GPR158: variants seen among roughly 807,000 people sequenced by gnomAD.
GPR158 encodes the protein metabotropic glycine receptor.
In GPR158, 30 loss-of-function variants were observed where a neutral mutation model predicts 78.2. The observed-to-expected ratio is 0.38, with a 90% CI of 0.29 to 0.52. GPR158 has a LOEUF of 0.52. GPR158 is among the 20% of genes least tolerant of loss of function. The probability of loss-of-function intolerance (pLI) is 0.83; values close to 1 mark genes in which losing one functional copy is unlikely to be tolerated. For missense variants in GPR158, 1,463 were observed against 1,523.5 expected (o/e 0.96, Z 0.66); for synonymous variants, 581 against 591.1 (o/e 0.98, Z 0.25).
At chr10:25,576,408 G>GTACTT (rs1164179011) in intron 7 of GPR158, among the ~76,000 whole-genome samples, 1 of 152,008 alleles carries the variant, frequency 6.6e-6, no homozygotes, top group Non-Finnish European at 1.5e-5. Context: ...TGTTTTCATT[G>GTACTT]TACTTTACTC....
chr10:25,416,763 A>C (rs1426338519), intron 4 of GPR158, among the ~76,000 whole-genome samples: 2 of 152,218 alleles, frequency 1.3e-5, no homozygotes, highest in Admixed American at 1.3e-4. Context: ...TGAGAGATTA[A>C]GTTTCCAAAG....
At chr10:25,303,529 C>T (rs1176986337) in intron 2 of GPR158, among the ~76,000 whole-genome samples, 2 of 152,192 alleles carry the variant, frequency 1.3e-5, no homozygotes, top group African/African-American at 4.8e-5. Context: ...AATGACTCAT[C>T]TTCCCGAAAT....
At chr10:25,476,560 T>A (rs879674107) in intron 5 of GPR158, among the ~76,000 whole-genome samples, 2 of 152,140 alleles carry the variant, frequency 1.3e-5, no homozygotes, top group Non-Finnish European at 2.9e-5. Flanking sequence ...GGACACCATA[T>A]ACAACTCAGT....
chr10:25,332,465 T>A (rs1414106243), intron 2 of GPR158, among the ~76,000 whole-genome samples: 1 of 152,160 alleles, frequency 6.6e-6, no homozygotes, highest in African/African-American at 2.4e-5. Context: ...GACATCCCTG[T>A]CCTAGCTCTT....
rs577106485 is a variant in GPR158, at chr10:25,293,056, A to C, written c.1008+71899A>C. ...AAAAGTTATCTCTTGCTGTTAGTAG[A>C]AAATTGTCTTCTACTGTCCCTGACC... On this transcript the variant is annotated intron_variant, in intron 2 of 10. Transcript: ENST00000376351. 5.3e-5 allele frequency among the ~76,000 whole-genome samples: 8 copies of C among 152,306 alleles called. No homozygotes were observed. The South Asian group carries it at 1.7e-3, about 32-fold the overall frequency.
chr10:25,299,139 GT>G (rs1854556417), intron 2 of GPR158, among the ~76,000 whole-genome samples: 1 of 151,870 alleles, frequency 6.6e-6, no homozygotes, highest in Non-Finnish European at 1.5e-5. Flanking sequence ...TTTTGTATAT[GT>G]TTAAGGTGTA....
chr10:25,424,741 A>G (rs1420203924), intron 4 of GPR158, among the ~76,000 whole-genome samples: 1 of 151,870 alleles, frequency 6.6e-6, no homozygotes, highest in African/African-American at 2.4e-5. Flanking sequence ...CCATTGATCT[A>G]TATCTCTGTT....
intron 7 of GPR158, among the ~76,000 whole-genome samples, chr10:25,587,262 C>T (rs1333286896): frequency 6.6e-6 from 1 of 152,094 alleles, no homozygotes; most frequent in Non-Finnish European, 1.5e-5. Flanking sequence ...ACAAATGTAA[C>T]CTTTTCAGAT....
chr10:25,183,237 T>G (rs1852636004), intron 1 of GPR158, among the ~76,000 whole-genome samples: 1 of 152,094 alleles, frequency 6.6e-6, no homozygotes, highest in African/African-American at 2.4e-5. Flanking sequence ...ATGAAATACT[T>G]CAGTTTAGGA....
intron 5 of GPR158, among the ~76,000 whole-genome samples, chr10:25,503,465 C>T (rs1228707498): frequency 6.6e-6 from 1 of 152,128 alleles, no homozygotes. Flanking sequence ...GTAACAGATT[C>T]TGCATTATTA....
intron 4 of GPR158, among the ~76,000 whole-genome samples, chr10:25,465,186 G>A (rs1234088727): frequency 1.3e-5 from 2 of 152,038 alleles, no homozygotes; most frequent in African/African-American, 2.4e-5. Flanking sequence ...TGGCCTTTCA[G>A]AATTTTTTTA....
rs538070830 is a variant in GPR158 at position 25,233,791 on chromosome 10, A to G, written c.1008+12634A>G. On this transcript the variant is annotated intron_variant, in intron 2 of 10. Coordinates refer to ENST00000376351, the MANE Select transcript of GPR158 (RefSeq NM_020752.3). ...CTTATGAGTATCCCGAGGTTATACA[A>G]GATGTGATATAGAAACAGATTAAAT... Among the ~76,000 whole-genome samples the G allele has an allele frequency of 2.6e-4, 39 of 152,320 alleles. 1 individual carries two copies. The highest frequency in any genetic ancestry group is 9.4e-4 in the African/African-American group (39 of 41,568).
intron 5 of GPR158, among the ~76,000 whole-genome samples, chr10:25,492,782 TAAAC>T (rs1321208105): frequency 2.6e-5 from 4 of 151,772 alleles, no homozygotes; most frequent in Non-Finnish European, 4.4e-5. Context: ...CAACAAGTGA[TAAAC>T]AATTCAAGCT....
chr10:25,300,221 C>G (rs765556028), intron 2 of GPR158, among the ~76,000 whole-genome samples: 1 of 152,158 alleles, frequency 6.6e-6, no homozygotes, highest in African/African-American at 2.4e-5. Flanking sequence ...TGGAGGCTGT[C>G]GGAAGAATGT....
At chr10:25,531,063 A>G (rs541721307) in intron 5 of GPR158, among the ~76,000 whole-genome samples, 1 of 152,350 alleles carries the variant, frequency 6.6e-6, no homozygotes, top group South Asian at 2.1e-4. Flanking sequence ...TTAAAAAATA[A>G]TGCTAATGGT....
chr10:25,522,051 G>A (rs1235543696), intron 5 of GPR158, among the ~76,000 whole-genome samples: 1 of 152,140 alleles, frequency 6.6e-6, no homozygotes, highest in East Asian at 1.9e-4. Context: ...CCAGTAATTA[G>A]GGTAAAAAGC....
intron 6 of GPR158, among the ~76,000 whole-genome samples, chr10:25,555,667 A>G (rs1836778979): frequency 6.6e-6 from 1 of 152,190 alleles, no homozygotes; most frequent in Admixed American, 6.5e-5. Flanking sequence ...CTTAATGCTG[A>G]AAGAACATTT....
intron 6 of GPR158, among the ~76,000 whole-genome samples, chr10:25,570,256 C>T (rs541266461): frequency 6.6e-6 from 1 of 152,144 alleles, no homozygotes; most frequent in Non-Finnish European, 1.5e-5. Flanking sequence ...TCCAATATAA[C>T]TGGACTTCAT....
chr10:25,371,487 G>T, intron 2 of GPR158, among the ~76,000 whole-genome samples: 1 of 151,354 alleles, frequency 6.6e-6, no homozygotes, highest in East Asian at 1.9e-4. Context: ...AAAACAGCAT[G>T]GTACTGGTAC....
Sources: allele counts gnomAD v4.1 joint callset (sites outside exome capture counted in the v4.1 genomes callset), GRCh38; gene constraint gnomAD v4.1.1; transcripts MANE v1.5; gene names NCBI Gene and HGNC (gene_info 2026-07-23, HGNC 2026-07-21).